WDR25: variants seen among roughly 807,000 people sequenced by gnomAD.
WDR25 encodes WD repeat domain 25, also known as WD repeat-containing protein 25.
Under a neutral mutation model 47.7 loss-of-function variants are expected in WDR25, and 35 were observed. The ratio of observed to expected loss-of-function variants is 0.73; its 90% CI spans 0.56 to 0.97. WDR25 has a LOEUF of 0.97. WDR25 is among the 50% of genes least tolerant of loss of function. The probability of loss-of-function intolerance (pLI) is 0.00; values close to 1 mark genes in which losing one functional copy is unlikely to be tolerated. For synonymous variants in WDR25, 248 were observed against 278.9 expected, an observed-to-expected ratio of 0.89 and a Z score of 1.10; for missense variants, 634 against 704.7, an observed-to-expected ratio of 0.90 and a Z score of 1.14.
At position 100,484,138 on chromosome 14, in the gene WDR25, T is replaced by G. The variant is rs751440208; in HGVS notation, c.1101+14T>G. The G allele has an allele frequency of 6.2e-7, 1 of 1,604,884 alleles. No individual in the cohort carries two copies. On this transcript the variant is annotated intron_variant, in intron 4 of 6. Transcript: ENST00000402312. ...AGGACTGGCAAGGTAATAGCCATAT[T>G]CCTAACTTGGCCTTTCCACAGGAGA... is the stretch of plus-strand genomic sequence containing the variant.
At chr14:100,450,016 C>T (rs1321298308) in intron 2 of WDR25, among the ~76,000 whole-genome samples, 1 of 152,240 alleles carries the variant, frequency 6.6e-6, no homozygotes, top group Non-Finnish European at 1.5e-5. Flanking sequence ...CTGCTCTCTC[C>T]CCTCTGCGCA....
rs1343422919 is a variant in WDR25, at chr14:100,529,643, G to C, written c.1414-177G>C. On this transcript the variant is annotated intron_variant, in intron 6 of 6. Coordinates refer to ENST00000402312, the MANE Select transcript of WDR25 (RefSeq NM_001161476.3). This position sits in a 1 kb window ranked among gnomAD's most constrained non-coding sequence, Gnocchi z 5.1. Reference sequence around the variant, plus strand: ...TGAACTGGCCTTGGGATGTGGGCCCGCATCAGGGCTCTACAGCCTCATGGG... The same window carrying C: ...TGAACTGGCCTTGGGATGTGGGCCCCCATCAGGGCTCTACAGCCTCATGGG... 4.3e-6 allele frequency: 3 copies of C among 694,038 alleles called. No homozygotes were observed. Among genetic ancestry groups the C allele is most frequent in the South Asian group, 1.9e-5 (1 of 52,300 alleles). 43.0% of individuals were successfully genotyped at this position (694,038 alleles called of 1,614,324 possible).
At chr14:100,406,024 G>A (rs1304186079) in intron 2 of WDR25, among the ~76,000 whole-genome samples, 2 of 152,138 alleles carry the variant, frequency 1.3e-5, no homozygotes, top group Non-Finnish European at 2.9e-5. Flanking sequence ...GCTTGCCTTC[G>A]GAGAAGATGG....
intron 2 of WDR25, among the ~76,000 whole-genome samples, chr14:100,422,817 C>T (rs1238018253): frequency 6.6e-6 from 1 of 152,176 alleles, no homozygotes; most frequent in African/African-American, 2.4e-5. Context: ...GAGGCCAGGC[C>T]CTGTGCTCCA....
Position 100,452,680 on chromosome 14 carries a change from C to T in WDR25, c.823-15341C>T, listed in dbSNP as rs138824669. Among the ~76,000 whole-genome samples the T allele has an allele frequency of 4.7e-3, 715 of 152,144 alleles. 5 individuals are homozygous for T. The highest frequency in any genetic ancestry group is 0.017 in the African/African-American group (685 of 41,506). On this transcript the variant is annotated intron_variant, in intron 2 of 6. Transcript: ENST00000402312. ...ATTTATTCCAGGTGTGATGGGAAGC[C>T]ACTGGATAGTTTGTGGGGTGGGGGG...
chr14:100,460,897 T>C (rs1566921006), intron 2 of WDR25, among the ~76,000 whole-genome samples: 2 of 152,112 alleles, frequency 1.3e-5, no homozygotes, highest in Non-Finnish European at 2.9e-5. Flanking sequence ...AAACTGCCTT[T>C]ATGTGCAGAT....
chr14:100,388,933 G>T (rs1389106633), intron 2 of WDR25, among the ~76,000 whole-genome samples: 6 of 152,190 alleles, frequency 3.9e-5, no homozygotes, highest in Admixed American at 2.6e-4. Flanking sequence ...ATGTCATTAA[G>T]GGAAGGATAG....
intron 2 of WDR25, among the ~76,000 whole-genome samples, chr14:100,426,165 G>A (rs1898162198): frequency 6.6e-6 from 1 of 152,172 alleles, no homozygotes; most frequent in South Asian, 2.1e-4. Context: ...TAAGTTTTCT[G>A]GGAGAATCCA....
intron 4 of WDR25, among the ~76,000 whole-genome samples, chr14:100,513,432 C>T (rs1270675822): frequency 6.6e-6 from 1 of 152,322 alleles, no homozygotes; most frequent in East Asian, 1.9e-4. Flanking sequence ...CAATCTTGGA[C>T]TTCCCACCAT....
At chr14:100,480,980 G>A in intron 3 of WDR25, 1 of 429,906 alleles carries the variant, frequency 2.3e-6, no homozygotes, top group South Asian at 1.8e-5. Flanking sequence ...CTCTGCTGAA[G>A]GGGCCACCAA....
chr14:100,396,293 A>G (rs979583727), intron 2 of WDR25, among the ~76,000 whole-genome samples: 5 of 152,184 alleles, frequency 3.3e-5, no homozygotes, highest in African/African-American at 1.2e-4. Context: ...TTGTATTTAC[A>G]CTGTCAGGTA....
At chr14:100,507,831 T>G (rs1290334104) in intron 4 of WDR25, among the ~76,000 whole-genome samples, 1 of 152,122 alleles carries the variant, frequency 6.6e-6, no homozygotes, top group African/African-American at 2.4e-5. Flanking sequence ...GGCATAGTCT[T>G]TAGGGTTTTC....
chr14:100,496,633 T>A (rs1245667776), intron 4 of WDR25, among the ~76,000 whole-genome samples: 1 of 152,118 alleles, frequency 6.6e-6, no homozygotes, highest in Non-Finnish European at 1.5e-5. Context: ...CAGCACTACT[T>A]CATCTATATC....
At position 100,381,653 on chromosome 14, in the gene WDR25, A is replaced by G; in HGVS notation, c.729A>G (p.Arg243=). The change falls in exon 2 of 7, where the codon AGA becomes AGG. Residue 243 remains arginine (R), a synonymous_variant. Transcript: ENST00000402312. ...TVPRKVLFHL[R]GHRGPVNTIQ... is the part of the protein sequence containing the mutation. ...CCCGGAAAGTGCTTTTCCACCTGAGAGGCCACAGGGGCCCTGTCAACACCA... is the reference window on the plus strand; with the variant it reads ...CCCGGAAAGTGCTTTTCCACCTGAGGGGCCACAGGGGCCCTGTCAACACCA... 6.2e-7 allele frequency: 1 copy of G among 1,614,102 alleles called. No homozygotes were observed. The highest frequency in any genetic ancestry group is 2.2e-5 in the East Asian group (1 of 44,872).
intron 2 of WDR25, among the ~76,000 whole-genome samples, chr14:100,464,731 A>C (rs1899551739): frequency 3.7e-5 from 2 of 54,382 alleles, no homozygotes; most frequent in Non-Finnish European, 6.6e-5. Context: ...CATCTCCCCT[A>C]CTCCATCTCA....
chr14:100,496,875 C>T (rs1351801895), intron 4 of WDR25, among the ~76,000 whole-genome samples: 1 of 110,894 alleles, frequency 9.0e-6, no homozygotes, highest in Non-Finnish European at 1.7e-5. Context: ...TTGCTCTGTC[C>T]CTTAGGCTGG....
At chr14:100,513,995 G>A (rs538954958) in intron 4 of WDR25, among the ~76,000 whole-genome samples, 2 of 151,440 alleles carry the variant, frequency 1.3e-5, no homozygotes, top group East Asian at 3.9e-4. Context: ...GAGTGCAGTG[G>A]CGCAATCTCG....
rs760910022 is a variant in WDR25 at position 100,428,500 on chromosome 14, C to T, written c.823-39521C>T. ...TGGATGGGGGACAGTGCCTGAGCGC[C>T]GGGGGCTGCACATGGTGCCTGTCTC... On this transcript the variant is annotated intron_variant, in intron 2 of 6. Coordinates refer to ENST00000402312, the MANE Select transcript of WDR25 (RefSeq NM_001161476.3). The surrounding 1 kb of genome is among the most constrained non-coding windows in gnomAD (Gnocchi z 4.3). Among the ~76,000 whole-genome samples the T allele has an allele frequency of 4.3e-4, 66 of 152,146 alleles. No homozygotes were observed. The highest frequency in any genetic ancestry group is 8.7e-4 in the Non-Finnish European group (59 of 68,030).
At chr14:100,484,293 C>T (rs1220282853) in intron 4 of WDR25, among the ~76,000 whole-genome samples, 169 bp downstream of exon 4, 2 of 152,160 alleles carry the variant, frequency 1.3e-5, no homozygotes, top group Non-Finnish European at 2.9e-5. Flanking sequence ...AAAGAACATT[C>T]TTGAGTTGTC....
Sources: allele counts gnomAD v4.1 joint callset (sites outside exome capture counted in the v4.1 genomes callset), GRCh38; gene constraint gnomAD v4.1.1; non-coding constraint Gnocchi (gnomAD v3.1); transcripts MANE v1.5; gene names NCBI Gene and HGNC (gene_info 2026-07-23, HGNC 2026-07-21).